PPARGC1A: variants seen among roughly 807,000 people sequenced by gnomAD.
PPARGC1A encodes the protein PPARG coactivator 1 alpha.
In PPARGC1A, 25 loss-of-function variants were observed where a neutral mutation model predicts 88.7. The ratio of observed to expected loss-of-function variants is 0.28; its 90% CI spans 0.21 to 0.39. The LOEUF is 0.39. Ranked by LOEUF, PPARGC1A falls within the 10% of genes least tolerant of loss-of-function variation. PPARGC1A has a pLI of 1.00. For synonymous variants in PPARGC1A, 363 were observed against 355.6 expected, an observed-to-expected ratio of 1.02 and a Z score of -0.24; for missense variants, 880 against 968.7, an observed-to-expected ratio of 0.91 and a Z score of 1.22.
the PPARGC1A span, among the ~76,000 whole-genome samples, chr4:24,289,242 A>T: frequency 1.0e-5 from 1 of 95,820 alleles, no homozygotes; most frequent in African/African-American, 4.7e-5. Context: ...AAAAAAAAAA[A>T]AGAGAGAGAG....
At chr4:24,131,266 T>G in the PPARGC1A span, among the ~76,000 whole-genome samples, 1 of 152,306 alleles carries the variant, frequency 6.6e-6, no homozygotes, top group Middle Eastern at 3.4e-3. Flanking sequence ...AAGTTATATC[T>G]AACACTCAAA....
the PPARGC1A span, among the ~76,000 whole-genome samples, chr4:24,090,426 T>C: frequency 6.6e-6 from 1 of 152,238 alleles, no homozygotes; most frequent in Non-Finnish European, 1.5e-5. Flanking sequence ...ACCAGTATTA[T>C]ATTTCACTAA....
At chr4:23,844,421 TATATTA>T (rs1727650341) in intron 2 of PPARGC1A, among the ~76,000 whole-genome samples, 3 of 128,174 alleles carry the variant, frequency 2.3e-5, no homozygotes, top group Non-Finnish European at 3.2e-5. Context: ...TAATATATAA[TATATTA>T]TATATATTAT....
At chr4:24,189,060 T>C in the PPARGC1A span, among the ~76,000 whole-genome samples, 2 of 152,048 alleles carry the variant, frequency 1.3e-5, no homozygotes, top group African/African-American at 2.4e-5. Flanking sequence ...AGACAAACAC[T>C]GTGTGATTCC....
chr4:23,832,432 T>C (rs1483571944), intron 2 of PPARGC1A, among the ~76,000 whole-genome samples: 1 of 152,122 alleles, frequency 6.6e-6, no homozygotes, highest in East Asian at 1.9e-4. Context: ...TGCTATTTCT[T>C]TTGACTTCTT....
chr4:24,335,471 G>A, the PPARGC1A span, among the ~76,000 whole-genome samples: 1 of 151,964 alleles, frequency 6.6e-6, no homozygotes, highest in Non-Finnish European at 1.5e-5. Context: ...TCCTCTATAG[G>A]GTTCCTTCCA....
chr4:23,971,939 T>C, the PPARGC1A span, among the ~76,000 whole-genome samples: 4 of 151,720 alleles, frequency 2.6e-5, no homozygotes, highest in African/African-American at 9.7e-5. Context: ...TATATACATA[T>C]ATTTTTTTTT....
the PPARGC1A span, among the ~76,000 whole-genome samples, chr4:24,002,605 T>C: frequency 3.9e-5 from 2 of 50,962 alleles, no homozygotes; most frequent in South Asian, 2.0e-3. Context: ...TGCATGCTGC[T>C]TTTTTTTTTT....
At chr4:24,353,509 G>A in the PPARGC1A span, among the ~76,000 whole-genome samples, 4 of 152,154 alleles carry the variant, frequency 2.6e-5, no homozygotes, top group East Asian at 3.9e-4. Flanking sequence ...CGAAAGACTC[G>A]GCCACTAAAC....
At chr4:24,071,697 G>GA in the PPARGC1A span, among the ~76,000 whole-genome samples, 8 of 151,728 alleles carry the variant, frequency 5.3e-5, no homozygotes, top group Admixed American at 4.6e-4. Flanking sequence ...AATTGTGCCA[G>GA]AAAAAAAATC....
At chr4:24,268,922 G>C in the PPARGC1A span, among the ~76,000 whole-genome samples, 1 of 152,158 alleles carries the variant, frequency 6.6e-6, no homozygotes, top group African/African-American at 2.4e-5. Context: ...GTATAGTGAA[G>C]AACAGAATAC....
At chr4:24,299,526 G>A in the PPARGC1A span, among the ~76,000 whole-genome samples, 3 of 151,806 alleles carry the variant, frequency 2.0e-5, no homozygotes, top group Admixed American at 6.5e-5. Context: ...ATGGTTAAGC[G>A]TCTCGTGCAG....
chr4:23,811,355 T>C (rs1720864591), intron 10 of PPARGC1A, among the ~76,000 whole-genome samples: 1 of 152,196 alleles, frequency 6.6e-6, no homozygotes, highest in Non-Finnish European at 1.5e-5. Flanking sequence ...AAGCCTTGGC[T>C]AGCTTAGATG....
the PPARGC1A span, among the ~76,000 whole-genome samples, chr4:24,438,563 C>T: frequency 6.6e-6 from 1 of 152,106 alleles, no homozygotes; most frequent in African/African-American, 2.4e-5. Flanking sequence ...AATTTATATG[C>T]AACAGCATTA....
the PPARGC1A span, among the ~76,000 whole-genome samples, chr4:23,923,114 T>C: frequency 1.6e-5 from 1 of 62,824 alleles, no homozygotes; most frequent in Admixed American, 1.2e-4. Context: ...GTTTTGTTGC[T>C]TGTTTTTTTT....
At chr4:23,889,051 CT>C (rs1717388429) in intron 1 of PPARGC1A, 1 of 985,276 alleles carries the variant, frequency 1.0e-6, no homozygotes, top group Admixed American at 6.1e-5. Flanking sequence ...CCCCACTAGA[CT>C]CCAGAGATTA....
At chr4:23,917,039 G>A in the PPARGC1A span, among the ~76,000 whole-genome samples, 140 of 152,152 alleles carry the variant, frequency 9.2e-4, no homozygotes, top group Admixed American at 8.1e-3. Context: ...CTTGTTCCCC[G>A]CACATGCTAC....
intron 2 of PPARGC1A, among the ~76,000 whole-genome samples, chr4:23,864,028 TGA>T (rs1731715587): frequency 6.6e-6 from 1 of 152,320 alleles, no homozygotes; most frequent in South Asian, 2.1e-4. Flanking sequence ...ATTACAGGTG[TGA>T]GTCACTGGAC....
At chr4:24,230,905 C>T in the PPARGC1A span, among the ~76,000 whole-genome samples, 33 of 149,702 alleles carry the variant, frequency 2.2e-4, no homozygotes, top group Non-Finnish European at 3.8e-4. Context: ...GGGGGCTGTA[C>T]CTCTCTGGTG....
Sources: allele counts gnomAD v4.1 joint callset (sites outside exome capture counted in the v4.1 genomes callset), GRCh38; gene constraint gnomAD v4.1.1; transcripts MANE v1.5; gene names NCBI Gene and HGNC (gene_info 2026-07-23, HGNC 2026-07-21).